Variants in DIAPH1 observed in about 807,000 individuals in gnomAD.
The protein encoded by DIAPH1 is diaphanous related formin 1.
DIAPH1 carries 46 observed loss-of-function variants against 140.7 expected under a neutral mutation model. The ratio of observed to expected loss-of-function variants is 0.33; its 90% confidence interval spans 0.26 to 0.42. The LOEUF (loss-of-function observed/expected upper bound fraction) is 0.42. Among genes scored for constraint, DIAPH1 ranks in the 10% least tolerant of loss-of-function variants. DIAPH1 has a pLI of 1.00. For missense variants in DIAPH1, 1,310 were observed against 1,558.7 expected (o/e 0.84, Z 2.69); for synonymous variants, 565 against 551.6 (o/e 1.02, Z -0.34).
intron 27 of DIAPH1, among the ~76,000 whole-genome samples, chr5:141,517,377 A>G (rs1261304031): frequency 6.6e-6 from 1 of 152,226 alleles, no homozygotes; most frequent in Non-Finnish European, 1.5e-5. Flanking sequence ...TAAATAGACT[A>G]AAGTTTAGTA....
intron 15 of DIAPH1, among the ~76,000 whole-genome samples, chr5:141,574,472 T>G (rs1394779120): frequency 6.6e-6 from 1 of 152,294 alleles, no homozygotes; most frequent in African/African-American, 2.4e-5. Flanking sequence ...CTCCCTTGAT[T>G]AGAAAATGTA....
intron 2 of DIAPH1, 80 bp downstream of exon 2, chr5:141,588,144 G>T: frequency 1.7e-6 from 2 of 1,197,946 alleles, no homozygotes; most frequent in Non-Finnish European, 1.2e-6. Context: ...GTTACAGAAA[G>T]TCAAAGTTAT....
At position 141,587,214 on chromosome 5, in the gene DIAPH1, A is replaced by G. The variant is rs1056159695; in HGVS notation, c.145-17T>C. Reference sequence around the variant, plus strand: ...TCTCTCCAGCTGAGAAACAGAAAAAAGCATTAGCAGTGATCCATTTTCACT... The same window carrying G: ...TCTCTCCAGCTGAGAAACAGAAAAAGGCATTAGCAGTGATCCATTTTCACT... On this transcript the variant is annotated splice_polypyrimidine_tract_variant and intron_variant, in intron 2 of 27. Transcript: ENST00000389054. 8 of 1,613,186 alleles carry G rather than the reference A, an allele frequency of 5.0e-6. No individual in the cohort carries two copies. In the African/African-American group the frequency reaches 9.3e-5, roughly 19 times the overall value.
At chr5:141,529,361 C>T in intron 20 of DIAPH1, 88 bp from the exon 21 acceptor site, 3 of 1,105,992 alleles carry the variant, frequency 2.7e-6, no homozygotes, top group Non-Finnish European at 4.1e-6. Flanking sequence ...CAGTCCCACA[C>T]TCTGCTCAAG....
In DIAPH1 at chr5:141,565,386, A is replaced by G. The variant is rs549728311; in HGVS notation, c.2482+6042T>C. 1 of 152,218 alleles carries G rather than the reference A, an allele frequency of 6.6e-6. No homozygotes were observed. Among genetic ancestry groups the G allele is most frequent in the East Asian group, 1.9e-4 (1 of 5,190 alleles). 9.4% of individuals were successfully genotyped at this position (152,218 alleles called of 1,614,324 possible). On this transcript the variant is annotated intron_variant, in intron 18 of 27. Transcript: ENST00000389054. This position sits in a 1 kb window ranked among gnomAD's most constrained non-coding sequence, Gnocchi z 4.3. ...TTTCCCATTCCTTTATTAGAATAAC[A>G]TATGTATATAAAAAGTATGATTTAA... is the stretch of plus-strand genomic sequence containing the variant.
intron 15 of DIAPH1, 39 bp from the exon 16 acceptor site, chr5:141,574,247 C>G: frequency 6.2e-7 from 1 of 1,600,884 alleles, no homozygotes; most frequent in Non-Finnish European, 8.6e-7. Flanking sequence ...TCTCACCCCA[C>G]TTCAGGGACT....
chr5:141,618,980 C>G lies in DIAPH1; in HGVS notation c.-66G>C. 5.6e-6 allele frequency: 5 copies of G among 890,880 alleles called. No homozygotes were observed. The highest frequency in any genetic ancestry group is 7.8e-6 in the Non-Finnish European group (5 of 641,546). 55.2% of individuals were successfully genotyped at this position (890,880 alleles called of 1,614,324 possible). ...CTCCCGCCTGGCAGCTCCGCGCCCG[C>G]CGCCGCCCAGTCGCTCTTTAGCCAG... On this transcript the variant is annotated 5_prime_UTR_variant, in exon 1 of 28. Transcript: ENST00000389054.
At chr5:141,550,415 A>T (rs1271057285) in intron 18 of DIAPH1, 1 of 154,366 alleles carries the variant, frequency 6.5e-6, no homozygotes, top group Non-Finnish European at 1.5e-5. Flanking sequence ...ATCTGTACAT[A>T]AGCCAGATGT....
intron 18 of DIAPH1, among the ~76,000 whole-genome samples, chr5:141,545,628 A>G (rs1321012373): frequency 1.3e-5 from 2 of 152,178 alleles, no homozygotes; most frequent in African/African-American, 4.8e-5. Flanking sequence ...GGGCAACAGA[A>G]TGAGACCCTG....
chr5:141,589,570 G>A lies in DIAPH1; in HGVS notation c.118-1320C>T, dbSNP rs182425774. On this transcript the variant is annotated intron_variant, in intron 1 of 27. Transcript: ENST00000389054. The stretch of plus-strand genomic sequence containing the variant: ...ATTCAGTTCAAAAACATGTAACACT[G>A]TATTATTTGGTATGTAAAATTATTA... Among the ~76,000 whole-genome samples the A allele has an allele frequency of 2.0e-3, 253 of 125,306 alleles. 2 individuals are homozygous for A. Among genetic ancestry groups the A allele is most frequent in the African/African-American group, 6.9e-3 (231 of 33,496 alleles). 82.2% of individuals were successfully genotyped at this position (125,306 alleles called of 152,430 possible).
chr5:141,575,479 C>A (rs1033009818), intron 14 of DIAPH1, among the ~76,000 whole-genome samples: 1 of 151,994 alleles, frequency 6.6e-6, no homozygotes. Flanking sequence ...TGAACCCTAG[C>A]CTCTACCAAA....
At chr5:141,596,884 A>G (rs1427907429) in intron 1 of DIAPH1, among the ~76,000 whole-genome samples, 1 of 152,132 alleles carries the variant, frequency 6.6e-6, no homozygotes, top group Non-Finnish European at 1.5e-5. Flanking sequence ...CAACTTGCCA[A>G]ATAAACAGTA....
At chr5:141,572,081 C>T in intron 16 of DIAPH1, 41 bp from the exon 17 acceptor site, 1 of 1,415,418 alleles carries the variant, frequency 7.1e-7, no homozygotes, top group Non-Finnish European at 1.0e-6. Context: ...GTAAACTGAG[C>T]CCTGTACTTT....
chr5:141,556,344 G>A (rs1030523455), intron 18 of DIAPH1, among the ~76,000 whole-genome samples: 2 of 152,160 alleles, frequency 1.3e-5, no homozygotes, highest in Non-Finnish European at 1.5e-5. Flanking sequence ...TGATACTCTA[G>A]AATCACCATA....
At chr5:141,541,114 T>G (rs1264034475) in intron 18 of DIAPH1, among the ~76,000 whole-genome samples, 1 of 152,216 alleles carries the variant, frequency 6.6e-6, no homozygotes, top group Non-Finnish European at 1.5e-5. Flanking sequence ...GAAAGAGTCC[T>G]GCCAATGAAA....
At chr5:141,614,850 A>G (rs999747416) in intron 1 of DIAPH1, among the ~76,000 whole-genome samples, 5 of 150,600 alleles carry the variant, frequency 3.3e-5, no homozygotes, top group Admixed American at 6.6e-5. Context: ...CGCTCTGTAT[A>G]TTTTTCAGTT....
chr5:141,611,477 G>A (rs1006567688), intron 1 of DIAPH1, among the ~76,000 whole-genome samples: 6 of 152,048 alleles, frequency 3.9e-5, no homozygotes, highest in African/African-American at 9.7e-5. Flanking sequence ...GATTCCTGAA[G>A]CCCAGGAGAT....
At chr5:141,526,683 G>GTTGT (rs564933384) in intron 24 of DIAPH1, among the ~76,000 whole-genome samples, 25 of 150,980 alleles carry the variant, frequency 1.7e-4, no homozygotes, top group Middle Eastern at 3.4e-3. Flanking sequence ...AGTTTAAACT[G>GTTGT]TTGTTTGTTT....
chr5:141,520,092 G>T (rs564803926), intron 27 of DIAPH1, among the ~76,000 whole-genome samples: 1 of 152,144 alleles, frequency 6.6e-6, no homozygotes, highest in Non-Finnish European at 1.5e-5. Flanking sequence ...TAAAACGTAG[G>T]CTAGGAACTA....
Sources: allele counts gnomAD v4.1 joint callset (sites outside exome capture counted in the v4.1 genomes callset), GRCh38; gene constraint gnomAD v4.1.1; non-coding constraint Gnocchi (gnomAD v3.1); transcripts MANE v1.5; gene names NCBI Gene and HGNC (gene_info 2026-07-23, HGNC 2026-07-21).